Variants in WDPCP observed in about 807,000 individuals in gnomAD.
WDPCP encodes WD repeat containing planar cell polarity effector.
In WDPCP, 71 loss-of-function variants were observed where a neutral mutation model predicts 93.1. The ratio of observed to expected loss-of-function variants is 0.76; its 90% CI spans 0.63 to 0.93. WDPCP has a LOEUF of 0.93. WDPCP is among the 40% of genes least tolerant of loss of function. The pLI is 0.00. For missense variants in WDPCP, 844 were observed against 887.4 expected (o/e 0.95, Z 0.62); for synonymous variants, 315 against 315.0 (o/e 1.00, Z 0.00).
intron 6 of WDPCP, among the ~76,000 whole-genome samples, chr2:63,482,363 T>C (rs1700316240): frequency 6.6e-6 from 1 of 151,850 alleles, no homozygotes; most frequent in Non-Finnish European, 1.5e-5. Flanking sequence ...TTTCTAAGAG[T>C]TATAGAGCAT....
At chr2:63,174,573 G>A in intron 15 of WDPCP, 97 bp downstream of exon 15, 1 of 1,541,012 alleles carries the variant, frequency 6.5e-7, no homozygotes, top group East Asian at 2.3e-5. Flanking sequence ...TTTTCTCCTT[G>A]ACATTTTGAA....
intron 14 of WDPCP, among the ~76,000 whole-genome samples, chr2:63,224,042 T>C (rs556847616): frequency 1.3e-5 from 2 of 152,194 alleles, no homozygotes; most frequent in South Asian, 4.1e-4. Context: ...TTTCATCTTA[T>C]AATCAGTTGT....
chr2:63,420,992 C>CA (rs1695817713), intron 9 of WDPCP, among the ~76,000 whole-genome samples: 3 of 152,154 alleles, frequency 2.0e-5, no homozygotes, highest in African/African-American at 7.2e-5. Context: ...AGGACACTCA[C>CA]CTTCAATTAT....
chr2:63,722,336 C>A (rs1413186585), intron 2 of WDPCP, among the ~76,000 whole-genome samples: 1 of 150,956 alleles, frequency 6.6e-6, no homozygotes, highest in East Asian at 2.0e-4. Flanking sequence ...GCGTCTCTGC[C>A]CGGCCGCCCA....
intron 14 of WDPCP, among the ~76,000 whole-genome samples, chr2:63,186,225 C>T (rs181810246): frequency 1.2e-3 from 180 of 152,334 alleles, no homozygotes; most frequent in Non-Finnish European, 1.0e-3. Context: ...AATCTTGCCA[C>T]TTGGGGAAAA....
intron 12 of WDPCP, among the ~76,000 whole-genome samples, chr2:63,321,319 T>A (rs1352540171): frequency 2.4e-4 from 17 of 72,260 alleles, no homozygotes; most frequent in Non-Finnish European, 4.1e-4. Flanking sequence ...GTCTCTATTA[T>A]CAGAGTATAT....
chr2:63,130,591 G>C, intron 17 of WDPCP, among the ~76,000 whole-genome samples: 1 of 151,896 alleles, frequency 6.6e-6, no homozygotes, highest in East Asian at 1.9e-4. Context: ...GGCTTTTCAA[G>C]GTCCCTTGAT....
At chr2:63,605,967 C>G (rs1709519954) in intron 3 of WDPCP, 1 of 1,614,156 alleles carries the variant, frequency 6.2e-7, no homozygotes, top group Non-Finnish European at 8.5e-7. Flanking sequence ...GGTGTTATCT[C>G]TGATGGCAAC....
chr2:63,737,597 G>A (rs1669655669), intron 2 of WDPCP, among the ~76,000 whole-genome samples: 1 of 152,134 alleles, frequency 6.6e-6, no homozygotes, highest in Non-Finnish European at 1.5e-5. Context: ...CCACTGGGAT[G>A]AGTTCTTTCC....
chr2:63,661,094 C>G (rs547208074), intron 2 of WDPCP, among the ~76,000 whole-genome samples: 1 of 152,284 alleles, frequency 6.6e-6, no homozygotes, highest in African/African-American at 2.4e-5. Flanking sequence ...ACAAATCTCC[C>G]CAAAATTTAC....
At chr2:63,834,555 C>T in the WDPCP span, among the ~76,000 whole-genome samples, 3 of 152,296 alleles carry the variant, frequency 2.0e-5, no homozygotes, top group South Asian at 2.1e-4. Context: ...GCCTGGGGCA[C>T]GCAAGTTGGG....
At chr2:63,595,474 G>GGT (rs1558859719) in intron 3 of WDPCP, 1 of 1,613,530 alleles carries the variant, frequency 6.2e-7, no homozygotes, top group Admixed American at 1.7e-5. Context: ...TGTCCTGGAC[G>GGT]GTGTCCTAAT....
chr2:63,782,261 A>C (rs901527249), intron 2 of WDPCP, among the ~76,000 whole-genome samples: 3 of 152,206 alleles, frequency 2.0e-5, no homozygotes, highest in African/African-American at 7.2e-5. Flanking sequence ...TAGGCAAAGA[A>C]TTCATGACTA....
intron 14 of WDPCP, among the ~76,000 whole-genome samples, chr2:63,190,611 G>A (rs981602157): frequency 2.0e-5 from 3 of 151,922 alleles, no homozygotes; most frequent in Non-Finnish European, 1.5e-5. Context: ...GACACCAAGA[G>A]TTAGAAAAAA....
At chr2:63,544,635 C>T (rs12472865) in intron 1 of WDPCP, among the ~76,000 whole-genome samples, 26,193 of 151,988 alleles carry the variant, frequency 0.17, 2,965 homozygotes, top group Non-Finnish European at 0.23. Context: ...CTTCTCTCTA[C>T]TCCTTTGGCT....
intron 2 of WDPCP, among the ~76,000 whole-genome samples, chr2:63,687,292 C>G (rs1191191567): frequency 2.0e-5 from 3 of 152,156 alleles, no homozygotes; most frequent in Non-Finnish European, 2.9e-5. Flanking sequence ...TGAATAATAT[C>G]CCACAAGCAC....
intron 6 of WDPCP, among the ~76,000 whole-genome samples, chr2:63,444,500 G>A (rs1160164556): frequency 6.6e-6 from 1 of 152,116 alleles, no homozygotes; most frequent in African/African-American, 2.4e-5. Context: ...CCCCAAAGTG[G>A]TTAGTCCTTA....
chr2:63,569,519 G>A (rs887721549), intron 1 of WDPCP, among the ~76,000 whole-genome samples: 29 of 152,180 alleles, frequency 1.9e-4, no homozygotes, highest in African/African-American at 7.0e-4. Flanking sequence ...GCCCAAGGAA[G>A]CAATGTCATT....
In WDPCP at chr2:63,382,044, T is replaced by G; in HGVS notation, c.1486A>C (p.Ile496Leu). Residue 496 changes from isoleucine (I) to leucine (L), a missense_variant, in exon 11 of 18, where the codon ATT becomes CTT. Coordinates refer to ENST00000272321, the MANE Select transcript of WDPCP (RefSeq NM_015910.7). ...LGLIDIIFQYIHCDEIYEAIN... is the reference protein window; with the variant it reads ...LGLIDIIFQYLHCDEIYEAIN... ...GCCTCATAGATCTCATCACAGTGAA[T>G]GTACTGGAAGATGATGTCTATCAGG... 1 of 1,613,406 alleles carries G rather than the reference T, an allele frequency of 6.2e-7. No individual in the cohort carries two copies. Among genetic ancestry groups the G allele is most frequent in the Non-Finnish European group, 8.5e-7 (1 of 1,179,696 alleles).
Sources: gnomAD v4.1 joint callset for allele counts (sites outside exome capture counted in the v4.1 genomes callset) on GRCh38, gnomAD v4.1.1 for gene constraint, MANE v1.5 for transcripts, NCBI Gene and HGNC (gene_info 2026-07-23, HGNC 2026-07-21) for gene names.